Variants in DOCK6 observed in about 807,000 individuals in gnomAD.
DOCK6 encodes the protein dedicator of cytokinesis protein 6.
In DOCK6, 167 loss-of-function variants were observed where a neutral mutation model predicts 230.3. The observed-to-expected ratio is 0.73, with a 90% CI of 0.64 to 0.82. The LOEUF is 0.82. Among genes scored for constraint, DOCK6 ranks in the 40% least tolerant of loss-of-function variants. The pLI is 0.00. For missense variants in DOCK6, 2,598 were observed against 2,825.8 expected (o/e 0.92, Z 1.83); for synonymous variants, 1,148 against 1,185.0 (o/e 0.97, Z 0.64).
chr19:11,238,611 A>C (rs2079889703), intron 14 of DOCK6: 1 of 329,996 alleles, frequency 3.0e-6, no homozygotes. Context: ...AAGGCAGAGA[A>C]TAGCGAGGCA....
intron 7 of DOCK6, chr19:11,247,663 G>C (rs949690406): frequency 6.0e-6 from 1 of 166,018 alleles, no homozygotes; most frequent in African/African-American, 2.4e-5. Context: ...AGGGTCACTA[G>C]CACCCGCCCC....
chr19:11,248,180 C>A, intron 6 of DOCK6, 29 bp from the exon 7 acceptor site: 3 of 624,780 alleles, frequency 4.8e-6, no homozygotes, highest in East Asian at 4.5e-5. Flanking sequence ...GGGAGCTGGG[C>A]GGGAGGAGCT....
chr19:11,224,610 G>A (rs1190309095), intron 24 of DOCK6, among the ~76,000 whole-genome samples: 1 of 152,188 alleles, frequency 6.6e-6, no homozygotes, highest in Non-Finnish European at 1.5e-5. Flanking sequence ...CTGGGTTAAG[G>A]GAACAGTCAG....
chr19:11,229,873 A>G lies in DOCK6; in HGVS notation c.2719-838T>C, dbSNP rs542152478. 2.0e-5 allele frequency among the ~76,000 whole-genome samples: 3 copies of G among 151,894 alleles called. No homozygotes were observed. The South Asian group carries it at 6.3e-4, about 32-fold the overall frequency. ...TGACTCTACTAAGACAAAAACAAAC[A>G]AACAAACAAAAATATATATATATGG... On this transcript the variant is annotated intron_variant, in intron 22 of 47. Transcript: ENST00000294618.
At chr19:11,220,499 AAG>A (rs753685168) in intron 28 of DOCK6, among the ~76,000 whole-genome samples, 1 of 152,182 alleles carries the variant, frequency 6.6e-6, no homozygotes, top group African/African-American at 2.4e-5. Context: ...CTATCTGCCT[AAG>A]AGAGGGAAAG....
rs747742624 is a variant in DOCK6 at position 11,213,165 on chromosome 19, C to G, written c.4491+11G>C. 8.1e-6 allele frequency: 13 copies of G among 1,608,920 alleles called. No homozygotes were observed. In the Admixed American group the frequency reaches 1.8e-4, roughly 23 times the overall value. On this transcript the variant is annotated intron_variant, in intron 35 of 47. Coordinates refer to ENST00000294618, the MANE Select transcript of DOCK6 (RefSeq NM_020812.4). The stretch of plus-strand genomic sequence containing the variant: ...GCCATGTGTGGACCATGCCTCCTAG[C>G]CCCCACTCACGTGGCCGATCTCGAA...
At position 11,204,290 on chromosome 19, in the gene DOCK6, G is replaced by A; in HGVS notation, c.5130C>T (p.Leu1710=). The A allele has an allele frequency of 1.2e-6, 2 of 1,609,176 alleles. No individual in the cohort carries two copies. The highest frequency in any genetic ancestry group is 1.7e-6 in the Non-Finnish European group (2 of 1,177,876). The part of the protein sequence containing the change: ...YEAVNEVYKN[L]IPILEAHRDY... The stretch of plus-strand genomic sequence containing the variant: ...CACGGTGGGCTTCCAGGATGGGGAT[G>A]AGGTTCTTGTAGACCTCATTCACCG... The change falls in exon 40 of 48, where the codon CTC becomes CTT. Residue 1710 remains leucine (L), a synonymous_variant. Coordinates refer to ENST00000294618, the MANE Select transcript of DOCK6 (RefSeq NM_020812.4).
chr19:11,254,637 G>A (rs560417645), intron 1 of DOCK6, among the ~76,000 whole-genome samples: 2 of 151,654 alleles, frequency 1.3e-5, no homozygotes, highest in Admixed American at 6.6e-5. Context: ...AGTCGAGATC[G>A]CGCCACTGCA....
chr19:11,242,310 G>T, intron 13 of DOCK6, 103 bp from the exon 14 acceptor site: 1 of 1,181,588 alleles, frequency 8.5e-7, no homozygotes, highest in Non-Finnish European at 1.1e-6. Flanking sequence ...GATGTTCTCT[G>T]GGGACTGGGG....
chr19:11,206,708 A>G (rs188858879), intron 39 of DOCK6, among the ~76,000 whole-genome samples: 1 of 152,314 alleles, frequency 6.6e-6, no homozygotes, highest in East Asian at 1.9e-4. Flanking sequence ...ATAGAGTGCA[A>G]TGAAATAAAG....
intron 3 of DOCK6, 96 bp downstream of exon 3, chr19:11,252,687 C>T (rs1285834832): frequency 1.2e-5 from 19 of 1,592,612 alleles, no homozygotes; most frequent in African/African-American, 2.7e-5. Context: ...GCTTGTCCAA[C>T]GTCACGGCCA....
intron 1 of DOCK6, among the ~76,000 whole-genome samples, chr19:11,254,289 G>C (rs899200944): frequency 6.6e-6 from 1 of 152,216 alleles, no homozygotes; most frequent in Non-Finnish European, 1.5e-5. Flanking sequence ...TGTGTCAGAG[G>C]TCAACCTGGC....
intron 23 of DOCK6, among the ~76,000 whole-genome samples, chr19:11,228,560 CTTTTT>C (rs1044123664): frequency 2.3e-5 from 3 of 128,916 alleles, no homozygotes; most frequent in East Asian, 2.2e-4. Context: ...GGGCTTCTCT[CTTTTT>C]TTTTTTTTTT....
At chr19:11,232,796 G>A (rs550430296) in intron 22 of DOCK6, among the ~76,000 whole-genome samples, 1 of 151,962 alleles carries the variant, frequency 6.6e-6, no homozygotes, top group African/African-American at 2.4e-5. Context: ...TGCATGTGGG[G>A]GTGAATGTGT....
chr19:11,206,634 G>T (rs192549796), intron 39 of DOCK6, among the ~76,000 whole-genome samples: 1 of 151,962 alleles, frequency 6.6e-6, no homozygotes, highest in African/African-American at 2.4e-5. Context: ...GCCCTTAATG[G>T]ATCCTGATTC....
Position 11,227,428 on chromosome 19 carries a change from GGT to G in DOCK6, c.2862_2863del (p.Arg956GlnfsTer47), listed in dbSNP as rs1411323260. On this transcript the variant is annotated frameshift_variant, in exon 24 of 48. Coordinates refer to ENST00000294618, the MANE Select transcript of DOCK6 (RefSeq NM_020812.4). LOFTEE classifies it high-confidence loss of function. ...GCGTCCGGGGAAGCGCAGCTTGCGGGGTGTGTCTAGTCGCTGGCCAAGCAGCA... is the reference window on the plus strand; with the variant it reads ...GCGTCCGGGGAAGCGCAGCTTGCGGGGTGTCTAGTCGCTGGCCAAGCAGCA... 2 of 1,612,066 alleles carry G rather than the reference GGT, an allele frequency of 1.2e-6. No homozygotes were observed. Among genetic ancestry groups the G allele is most frequent in the Non-Finnish European group, 1.7e-6 (2 of 1,179,216 alleles).
At position 11,200,741 on chromosome 19, in the gene DOCK6, G is replaced by A. The variant is rs2079155208; in HGVS notation, c.5914C>T (p.Leu1972Phe). Residue 1972 changes from leucine (L) to phenylalanine (F), a missense_variant, in exon 46 of 48, where the codon CTC (leucine) becomes TTC (phenylalanine). By Grantham distance (22) the Leu-to-Phe change is conservative. Transcript: ENST00000294618. This position sits in a 1 kb window ranked among gnomAD's most constrained non-coding sequence, Gnocchi z 4.3. ...TTCTTGCAGAAGTCCTTGAAGCAGA[G>A]CCGCAATTTGTTGTGATGCCGGAAG... ...KLFRHHNKLR[L>F]CFKDFCKKCE... is the part of the protein sequence containing the mutation. 4 of 1,613,598 alleles carry A rather than the reference G, an allele frequency of 2.5e-6. No homozygotes were observed. Among genetic ancestry groups the A allele is most frequent in the Non-Finnish European group, 3.4e-6 (4 of 1,179,722 alleles).
At chr19:11,258,943 G>A (rs908279752) in intron 1 of DOCK6, among the ~76,000 whole-genome samples, 7 of 151,492 alleles carry the variant, frequency 4.6e-5, no homozygotes, top group Admixed American at 3.3e-4. Context: ...TTTTCGTAGA[G>A]ATGGGGTTTC....
intron 22 of DOCK6, chr19:11,232,310 GGTA>G (rs1259393308): frequency 2.6e-5 from 34 of 1,288,066 alleles, no homozygotes; most frequent in Non-Finnish European, 3.4e-5. Flanking sequence ...ACGGAGAAGT[GGTA>G]GCATCCCCAG....
Sources: gnomAD v4.1 joint callset for allele counts (sites outside exome capture counted in the v4.1 genomes callset) on GRCh38, gnomAD v4.1.1 for gene constraint, Gnocchi (gnomAD v3.1) non-coding constraint, MANE v1.5 for transcripts, NCBI Gene and HGNC (gene_info 2026-07-23, HGNC 2026-07-21) for gene names.